Variants in MAPK10 observed in about 807,000 individuals in gnomAD.
The protein encoded by MAPK10 is mitogen-activated protein kinase 10.
Under a neutral mutation model 59.3 loss-of-function variants are expected in MAPK10, and 25 were observed. The observed-to-expected ratio is 0.42, with a 90% CI of 0.31 to 0.59. The LOEUF is 0.59. Among genes scored for constraint, MAPK10 ranks in the 20% least tolerant of loss-of-function variants. MAPK10 has a pLI of 0.15. For synonymous variants in MAPK10, 190 were observed against 200.5 expected (o/e 0.95, Z 0.44); for missense variants, 351 against 568.9 (o/e 0.62, Z 3.90).
At chr4:86,539,734 A>T (rs971128278) in intron 1 of MAPK10, among the ~76,000 whole-genome samples, 16 of 152,222 alleles carry the variant, frequency 1.1e-4, no homozygotes, top group Admixed American at 3.9e-4. Flanking sequence ...CCATTTTGCA[A>T]CATATATGAA....
intron 1 of MAPK10, among the ~76,000 whole-genome samples, chr4:86,450,094 G>T (rs1564889063): frequency 6.6e-6 from 1 of 152,202 alleles, no homozygotes; most frequent in African/African-American, 2.4e-5. Context: ...CAGAAACGAT[G>T]AGATAATAAA....
chr4:86,163,437 ATAT>A (rs1388565666), intron 3 of MAPK10, among the ~76,000 whole-genome samples: 1 of 152,180 alleles, frequency 6.6e-6, no homozygotes, highest in Non-Finnish European at 1.5e-5. Flanking sequence ...CTACAGAAAA[ATAT>A]TATCAGTGCT....
rs559838092 is a variant in MAPK10 at position 86,458,448 on chromosome 4, C to T, written c.-262-103804G>A. On this transcript the variant is annotated intron_variant, in intron 1 of 4. Transcript: ENST00000502302. ...TTGCACTCCAGCCTGGGCAACAGAG[C>T]GAAACTCCATCTCAAAAACAAAAAA... 1.5e-3 allele frequency among the ~76,000 whole-genome samples: 224 copies of T among 151,820 alleles called. 1 individual carries two copies. The highest frequency in any genetic ancestry group is 6.8e-3 in the Middle Eastern group (2 of 294).
intron 1 of MAPK10, among the ~76,000 whole-genome samples, chr4:86,512,130 T>G (rs1437826286): frequency 1.3e-5 from 2 of 152,176 alleles, no homozygotes; most frequent in African/African-American, 2.4e-5. Context: ...TTTCCAAATT[T>G]AAGGTAACTT....
At chr4:86,181,062 C>G (rs1437721100) in intron 3 of MAPK10, among the ~76,000 whole-genome samples, 1 of 152,028 alleles carries the variant, frequency 6.6e-6, no homozygotes, top group East Asian at 1.9e-4. Context: ...GATGTGATTA[C>G]TATACATTAT....
At chr4:86,234,714 AT>A in intron 2 of MAPK10, among the ~76,000 whole-genome samples, 1 of 152,194 alleles carries the variant, frequency 6.6e-6, no homozygotes, top group African/African-American at 2.4e-5. Flanking sequence ...ATTAATATGG[AT>A]TTTTATTTAA....
rs114546267 is a variant in MAPK10, at chr4:86,101,321, C to T, written c.565-104G>A. On this transcript the variant is annotated intron_variant, in intron 7 of 13. Transcript: ENST00000641462. Reference sequence around the variant, plus strand: ...CATTTTGCAGTAGCACTGATGAGGTCCCCCTTGCCTACAGAGCTCTAAATA... The same window carrying T: ...CATTTTGCAGTAGCACTGATGAGGTTCCCCTTGCCTACAGAGCTCTAAATA... 1,847 of 735,412 alleles carry T rather than the reference C, an allele frequency of 2.5e-3. 3 individuals carry two copies. The highest frequency in any genetic ancestry group is 3.5e-3 in the Non-Finnish European group (1,532 of 441,746). The allele number at this position is 735,412 out of a possible 1,614,324, so 45.6% of individuals were successfully genotyped here. A position where few individuals can be genotyped will look rare whatever the true frequency, so the allele number is the denominator to read the frequency against.
In MAPK10 at chr4:86,028,999, A is replaced by G. The variant is rs1034028873; in HGVS notation, c.1252+198T>C. The G allele has an allele frequency of 5.1e-5, 34 of 662,218 alleles. No homozygotes were observed. The Admixed American group carries it at 5.6e-4, about 11-fold the overall frequency. The allele number at this position is 662,218 out of a possible 1,614,324, so 41.0% of individuals were successfully genotyped here. A position where few individuals can be genotyped will look rare whatever the true frequency, so the allele number is the denominator to read the frequency against. Reference sequence around the variant, plus strand: ...TATGAAAAAGTTTTTGTACTGGATCATTACCATCAGAATAATCAGAATGAA... The same window carrying G: ...TATGAAAAAGTTTTTGTACTGGATCGTTACCATCAGAATAATCAGAATGAA... On this transcript the variant is annotated intron_variant, in intron 13 of 13. Coordinates refer to ENST00000641462, the MANE Select transcript of MAPK10 (RefSeq NM_138982.4).
At chr4:86,043,368 G>C (rs2041936855) in intron 11 of MAPK10, among the ~76,000 whole-genome samples, 1 of 152,112 alleles carries the variant, frequency 6.6e-6, no homozygotes, top group Non-Finnish European at 1.5e-5. Context: ...TTATTCAAAT[G>C]GGCAAATACA....
intron 11 of MAPK10, among the ~76,000 whole-genome samples, chr4:86,037,154 T>C (rs1259594418): frequency 6.6e-6 from 1 of 152,224 alleles, no homozygotes; most frequent in Non-Finnish European, 1.5e-5. Context: ...GTGGGCATTC[T>C]ATGGAGTTCT....
chr4:86,372,567 A>AGAAAGAAAG (rs1554253760), intron 1 of MAPK10, among the ~76,000 whole-genome samples: 5,421 of 132,654 alleles, frequency 0.041, 281 homozygotes, highest in East Asian at 0.075. Context: ...AAAGAAAGAA[A>AGAAAGAAAG]GAAAAGAAAA....
Position 86,417,150 on chromosome 4 carries a change from C to T in MAPK10, c.-122+35880G>A, listed in dbSNP as rs561634928. Among the ~76,000 whole-genome samples, 29 of 152,082 alleles carry T rather than the reference C, an allele frequency of 1.9e-4. 1 individual carries two copies. The South Asian group carries it at 4.4e-3, about 23-fold the overall frequency. ...TTTTCAATTTTCTTTCTCTTTTATA[C>T]ATTTATATTTGTTAATTTTGTACAA... On this transcript the variant is annotated intron_variant, in intron 1 of 13. Transcript: ENST00000361569.
chr4:86,041,331 T>C (rs1251149570), intron 11 of MAPK10, among the ~76,000 whole-genome samples: 1 of 151,956 alleles, frequency 6.6e-6, no homozygotes, highest in Non-Finnish European at 1.5e-5. Context: ...AAAAATTAAC[T>C]CAAGATCGAT....
At chr4:86,465,407 A>G (rs1343872490) in intron 1 of MAPK10, among the ~76,000 whole-genome samples, 1 of 152,266 alleles carries the variant, frequency 6.6e-6, no homozygotes, top group Non-Finnish European at 1.5e-5. Context: ...CCATAGTGGA[A>G]AGAATGAATC....
chr4:86,581,336 TA>T (rs1032702639), intron 1 of MAPK10, among the ~76,000 whole-genome samples: 1 of 151,532 alleles, frequency 6.6e-6, no homozygotes, highest in African/African-American at 2.4e-5. Context: ...TCAACACATA[TA>T]AAATAATAAA....
At chr4:86,052,561 T>G (rs2043773871) in intron 11 of MAPK10, among the ~76,000 whole-genome samples, 1 of 152,008 alleles carries the variant, frequency 6.6e-6, no homozygotes, top group Non-Finnish European at 1.5e-5. Context: ...CAGTGCTGGG[T>G]AGTGAGCTCC....
chr4:86,554,750 C>T (rs548661275), intron 1 of MAPK10, among the ~76,000 whole-genome samples: 1 of 152,202 alleles, frequency 6.6e-6, no homozygotes, highest in South Asian at 2.1e-4. Context: ...TATGATTACA[C>T]CCTCCCCTTT....
chr4:86,075,635 C>G (rs1421155155), intron 9 of MAPK10, among the ~76,000 whole-genome samples: 3 of 151,562 alleles, frequency 2.0e-5, no homozygotes, highest in Non-Finnish European at 4.4e-5. Flanking sequence ...AGCTGCAGGT[C>G]TGTTGGAATA....
chr4:86,219,992 G>T (rs184659730), intron 2 of MAPK10: 17 of 152,012 alleles, frequency 1.1e-4, no homozygotes, highest in African/African-American at 3.9e-4. Flanking sequence ...ACATAAAACT[G>T]CACACACTTT....
Sources: allele counts gnomAD v4.1 joint callset (sites outside exome capture counted in the v4.1 genomes callset), GRCh38; gene constraint gnomAD v4.1.1; transcripts MANE v1.5; gene names NCBI Gene and HGNC (gene_info 2026-07-23, HGNC 2026-07-21).